SPOPL: variants seen among roughly 807,000 people sequenced by gnomAD.
SPOPL encodes speckle-type POZ protein-like.
SPOPL carries 23 observed loss-of-function variants against 53.8 expected under a neutral mutation model. The ratio of observed to expected loss-of-function variants is 0.43; its 90% CI spans 0.31 to 0.61. SPOPL has a LOEUF of 0.61. Among genes scored for constraint, SPOPL ranks in the 20% least tolerant of loss-of-function variants. SPOPL has a pLI of 0.12. For missense variants in SPOPL, 442 were observed against 466.9 expected, an observed-to-expected ratio of 0.95 and a Z score of 0.49; for synonymous variants, 164 against 149.7, an observed-to-expected ratio of 1.10 and a Z score of -0.70.
intron 1 of SPOPL, among the ~76,000 whole-genome samples, chr2:138,530,615 T>C (rs1030462563): frequency 1.3e-5 from 2 of 152,188 alleles, no homozygotes; most frequent in Non-Finnish European, 2.9e-5. Flanking sequence ...AATTATACTT[T>C]GGTATCTTTT....
At chr2:138,544,454 C>T (rs1373362347) in intron 1 of SPOPL, among the ~76,000 whole-genome samples, 4 of 152,204 alleles carry the variant, frequency 2.6e-5, no homozygotes, top group Admixed American at 6.5e-5. Flanking sequence ...CCCCCAGCCT[C>T]GCTGCCGCCT....
chr2:138,558,994 G>GT (rs769552942), intron 5 of SPOPL, 28 bp from the exon 6 acceptor site: 1 of 1,542,258 alleles, frequency 6.5e-7, no homozygotes, highest in Admixed American at 2.2e-5. Flanking sequence ...TTGTGAAAGT[G>GT]TTTTTCTTGC....
chr2:138,572,855 A>G lies in SPOPL; in HGVS notation c.*3775A>G, dbSNP rs1685816280. 1 of 152,532 alleles carries G rather than the reference A, an allele frequency of 6.6e-6. No individual in the cohort carries two copies. Among genetic ancestry groups the G allele is most frequent in the African/African-American group, 2.4e-5 (1 of 41,438 alleles). 9.4% of individuals were successfully genotyped at this position (152,532 alleles called of 1,614,324 possible). ...AACTCCTTACTAGGAATGAAATCAC[A>G]CAGTGTCTTCTGTTTGCAGTATGTG... On this transcript the variant is annotated 3_prime_UTR_variant, in exon 11 of 11. Transcript: ENST00000280098.
At chr2:138,552,329 T>A (rs1685330836) in intron 4 of SPOPL, among the ~76,000 whole-genome samples, 1 of 152,060 alleles carries the variant, frequency 6.6e-6, no homozygotes, top group Admixed American at 6.6e-5. Flanking sequence ...AAGTCTGAAA[T>A]TGAGCTCATT....
intron 1 of SPOPL, among the ~76,000 whole-genome samples, chr2:138,503,904 G>A (rs1054185301): frequency 5.9e-5 from 9 of 152,158 alleles, no homozygotes; most frequent in African/African-American, 1.9e-4. Context: ...ACTGGTGGCC[G>A]TTTTCTCTTA....
chr2:138,550,172 G>C lies in SPOPL; in HGVS notation c.-45G>C, dbSNP rs746348813. The C allele has an allele frequency of 2.6e-6, 4 of 1,562,122 alleles. No individual in the cohort carries two copies. Among genetic ancestry groups the C allele is most frequent in the Non-Finnish European group, 3.5e-6 (4 of 1,134,298 alleles). ...TCCTTTGTAGGTAAGGTACTCAACT[G>C]TGTGGGGTACTACATAAATCCTGAA... On this transcript the variant is annotated 5_prime_UTR_variant, in exon 2 of 11. Coordinates refer to ENST00000280098, the MANE Select transcript of SPOPL (RefSeq NM_001001664.3).
At chr2:138,549,705 T>C (rs1449895514) in intron 1 of SPOPL, among the ~76,000 whole-genome samples, 2 of 152,136 alleles carry the variant, frequency 1.3e-5, no homozygotes, top group Non-Finnish European at 2.9e-5. Context: ...CATTCTATGT[T>C]TTACTTGACG....
At chr2:138,562,129 G>A (rs915038658) in intron 8 of SPOPL, among the ~76,000 whole-genome samples, 5 of 151,502 alleles carry the variant, frequency 3.3e-5, no homozygotes, top group East Asian at 1.9e-4. Context: ...GATAGTAGAC[G>A]CAGCATGTTC....
intron 1 of SPOPL, among the ~76,000 whole-genome samples, chr2:138,513,739 CA>C (rs33913820): frequency 0.4 from 44,884 of 112,580 alleles, 8,365 homozygotes; most frequent in African/African-American, 0.56. Context: ...GACCTTACCT[CA>C]AAAAAAAAAA....
intron 1 of SPOPL, among the ~76,000 whole-genome samples, chr2:138,547,333 G>T (rs1381101860): frequency 6.6e-6 from 1 of 152,176 alleles, no homozygotes; most frequent in African/African-American, 2.4e-5. Flanking sequence ...TATGAGGTCT[G>T]TTGTGAGTTA....
chr2:138,546,399 A>C (rs1343068914), intron 1 of SPOPL, among the ~76,000 whole-genome samples: 1 of 152,178 alleles, frequency 6.6e-6, no homozygotes, highest in South Asian at 2.1e-4. Context: ...TGAGAATAGG[A>C]AGGCCTGAAT....
chr2:138,564,568 TA>T, intron 8 of SPOPL, 139 bp from the exon 9 acceptor site: 1 of 1,015,622 alleles, frequency 9.8e-7, no homozygotes, highest in East Asian at 2.7e-5. Flanking sequence ...CGTATTAGGT[TA>T]AAACAGTAAC....
chr2:138,559,302 G>A lies in SPOPL; in HGVS notation c.679G>A (p.Ala227Thr), dbSNP rs1386200060. ...TACAGCTCGATCTCCAGTTTTTAACGCCATGTTTGAACATGAAATGGAAGA... is the reference window on the plus strand; with the variant it reads ...TACAGCTCGATCTCCAGTTTTTAACACCATGTTTGAACATGAAATGGAAGA... ...VLAARSPVFN[A>T]MFEHEMEESK... The change falls in exon 7 of 11, where the codon GCC (alanine) becomes ACC (threonine). Residue 227 changes from alanine to threonine, a missense_variant. By Grantham distance (58) the Ala-to-Thr change is moderately conservative. Transcript: ENST00000280098. 9.9e-6 allele frequency: 16 copies of A among 1,612,390 alleles called. No individual in the cohort carries two copies. Among genetic ancestry groups the A allele is most frequent in the African/African-American group, 9.4e-5 (7 of 74,814 alleles).
At chr2:138,566,926 G>A (rs1685672646) in intron 10 of SPOPL, among the ~76,000 whole-genome samples, 2 of 152,142 alleles carry the variant, frequency 1.3e-5, no homozygotes, top group Non-Finnish European at 2.9e-5. Flanking sequence ...ACACAAATAG[G>A]AGTTAGCAGA....
chr2:138,532,356 A>G (rs1047216222), intron 1 of SPOPL, among the ~76,000 whole-genome samples: 9 of 151,938 alleles, frequency 5.9e-5, no homozygotes, highest in African/African-American at 9.7e-5. Context: ...AGAATCTGCA[A>G]ATATTCTTGG....
chr2:138,525,623 G>A (rs1684653694), intron 1 of SPOPL, among the ~76,000 whole-genome samples: 1 of 138,888 alleles, frequency 7.2e-6, no homozygotes, highest in Admixed American at 8.0e-5. Context: ...ACCAGCCTGG[G>A]TAACAGCAAG....
At chr2:138,516,766 A>T (rs1684446661) in intron 1 of SPOPL, among the ~76,000 whole-genome samples, 1 of 152,364 alleles carries the variant, frequency 6.6e-6, no homozygotes, top group Non-Finnish European at 1.5e-5. Flanking sequence ...AGTGGTCTGG[A>T]AACAACATCA....
At chr2:138,564,515 G>T in intron 8 of SPOPL, 193 bp from the exon 9 acceptor site, 1 of 593,848 alleles carries the variant, frequency 1.7e-6, no homozygotes, top group South Asian at 3.6e-5. Context: ...GTTTCCTAAA[G>T]AAAATTAGTC....
At chr2:138,505,390 C>T (rs1346743044) in intron 1 of SPOPL, among the ~76,000 whole-genome samples, 1 of 151,926 alleles carries the variant, frequency 6.6e-6, no homozygotes, top group Non-Finnish European at 1.5e-5. Flanking sequence ...GTGCCAGTCT[C>T]TGGTGACATG....
Sources: allele counts gnomAD v4.1 joint callset (sites outside exome capture counted in the v4.1 genomes callset), GRCh38; gene constraint gnomAD v4.1.1; transcripts MANE v1.5; gene names NCBI Gene and HGNC (gene_info 2026-07-23, HGNC 2026-07-21).